The following TNFRSF13B variants were observed in gnomAD, a reference collection of about 807,000 sequenced individuals.
The protein encoded by TNFRSF13B is TNF receptor superfamily member 13B.
TNFRSF13B carries 34 observed loss-of-function variants against 24.0 expected under a neutral mutation model. The observed-to-expected ratio is 1.41, with a 90% CI of 1.08 to 1.88. The LOEUF (loss-of-function observed/expected upper bound fraction) is 1.88, where lower values mean the gene tolerates loss of function less well. Among genes scored for constraint, TNFRSF13B ranks in the 40% most tolerant of loss-of-function variants. The probability of loss-of-function intolerance (pLI) is 0.00; values close to 1 mark genes in which losing one functional copy is unlikely to be tolerated. For missense variants in TNFRSF13B, 415 were observed against 380.8 expected (o/e 1.09, Z -0.75); for synonymous variants, 173 against 150.3 (o/e 1.15, Z -1.10).
intron 3 of TNFRSF13B, among the ~76,000 whole-genome samples, chr17:16,942,153 T>C (rs4792801): frequency 0.47 from 71,253 of 151,778 alleles, 17,113 homozygotes; most frequent in East Asian, 0.59. Context: ...AGCTCTGTTT[T>C]GTTTTTTGAG....
rs760278879 is a variant in TNFRSF13B, at chr17:16,948,771, C to G, written c.412G>C (p.Gly138Arg). Residue 138 changes from glycine (G) to arginine (R), a missense_variant, in exon 3 of 5, where the codon GGA becomes CGA. Physicochemically the swap from Gly to Arg is moderately radical, Grantham distance 125 (BLOSUM62 -2). Coordinates refer to ENST00000261652, the MANE Select transcript of TNFRSF13B (RefSeq NM_012452.3). The stretch of plus-strand genomic sequence containing the variant: ...GCTTCTGAGCCTCTGTGCTCCAATC[C>G]TTGGTACCTTCCCGAGTTGTCTGAA... Reference protein sequence around the residue: ...NNSDNSGRYQGLEHRGSEASP... With the variant: ...NNSDNSGRYQRLEHRGSEASP... 1.2e-6 allele frequency: 2 copies of G among 1,614,222 alleles called. No individual in the cohort carries two copies. Among genetic ancestry groups the G allele is most frequent in the East Asian group, 4.5e-5 (2 of 44,888 alleles).
intron 3 of TNFRSF13B, chr17:16,941,395 G>A: frequency 1.0e-6 from 1 of 987,634 alleles, no homozygotes; most frequent in Non-Finnish European, 1.2e-6. Context: ...GACAGACTCA[G>A]CCCAGGTGAA....
At chr17:16,961,346 G>A (rs186807226) in intron 1 of TNFRSF13B, among the ~76,000 whole-genome samples, 8 of 152,306 alleles carry the variant, frequency 5.3e-5, no homozygotes, top group African/African-American at 1.7e-4. Flanking sequence ...CAGCCCAATC[G>A]TTTATCAGCA....
At chr17:16,966,443 A>G (rs1486179821) in intron 1 of TNFRSF13B, among the ~76,000 whole-genome samples, 1 of 152,220 alleles carries the variant, frequency 6.6e-6, no homozygotes, top group Non-Finnish European at 1.5e-5. Context: ...AAGGTCATGA[A>G]TAGACAGTTC....
Position 16,961,873 on chromosome 17 carries a change from T to C in TNFRSF13B, c.62-9290A>G, listed in dbSNP as rs116507444. ...GGTAGAATAAAGACGTTCTCAGACATGCAAGATCTTGGAAGCTACTGGAGG... is the reference window on the plus strand; with the variant it reads ...GGTAGAATAAAGACGTTCTCAGACACGCAAGATCTTGGAAGCTACTGGAGG... On this transcript the variant is annotated intron_variant, in intron 1 of 4. Transcript: ENST00000261652. 7.0e-3 allele frequency among the ~76,000 whole-genome samples: 1,070 copies of C among 152,270 alleles called. 14 individuals are homozygous for C. Among genetic ancestry groups the C allele is most frequent in the African/African-American group, 0.024 (999 of 41,546 alleles).
At position 16,964,786 on chromosome 17, in the gene TNFRSF13B, G is replaced by T. The variant is rs141742910; in HGVS notation, c.61+7229C>A. ...CCTCCTGCCAGCTCATGTTGAAAAC[G>T]GATTCGCCATGGTTCAGTGACCCAG... On this transcript the variant is annotated intron_variant, in intron 1 of 4. Transcript: ENST00000261652. Among the ~76,000 whole-genome samples, 5 of 152,136 alleles carry T rather than the reference G, an allele frequency of 3.3e-5. 1 individual carries two copies.
chr17:16,939,385 C>G lies in TNFRSF13B; in HGVS notation c.*162G>C. ...TCTGCCTCTCTTCCCCTCTGTCTCT[C>G]TCTCCCTCTGTCTCTCTCTCCCTCT... On this transcript the variant is annotated 3_prime_UTR_variant, in exon 5 of 5. Coordinates refer to ENST00000261652, the MANE Select transcript of TNFRSF13B (RefSeq NM_012452.3). The G allele has an allele frequency of 1.2e-6, 1 of 831,092 alleles. No individual in the cohort carries two copies. The highest frequency in any genetic ancestry group is 1.8e-6 in the Non-Finnish European group (1 of 565,108). 51.5% of individuals were successfully genotyped at this position (831,092 alleles called of 1,614,324 possible). A position where few individuals can be genotyped will look rare whatever the true frequency, so the allele number is the denominator to read the frequency against.
chr17:16,966,389 G>A (rs2087699663), intron 1 of TNFRSF13B, among the ~76,000 whole-genome samples: 1 of 152,012 alleles, frequency 6.6e-6, no homozygotes, highest in South Asian at 2.1e-4. Flanking sequence ...CAGATCTAAA[G>A]AATAAGCAGA....
intron 3 of TNFRSF13B, among the ~76,000 whole-genome samples, chr17:16,941,686 G>A (rs900253179): frequency 6.6e-6 from 1 of 152,120 alleles, no homozygotes; most frequent in Non-Finnish European, 1.5e-5. Context: ...ACATCACAAG[G>A]TTGTGCAGCA....
chr17:16,939,376 TCTGTCTCTCTCTCC>T lies in TNFRSF13B; in HGVS notation c.*157_*170del, dbSNP rs1255724255. The T allele has an allele frequency of 2.0e-5, 15 of 766,104 alleles. No individual in the cohort carries two copies. In the Admixed American group the frequency reaches 3.6e-4, roughly 19 times the overall value. The allele number at this position is 766,104 out of a possible 1,614,324, so 47.5% of individuals were successfully genotyped here. Reference sequence around the variant, plus strand: ...CTTTCCCTCTCTGCCTCTCTTCCCCTCTGTCTCTCTCTCCCTCTGTCTCTCTCTCCCTCTCTGTC... The same window carrying T: ...CTTTCCCTCTCTGCCTCTCTTCCCCTCTCTGTCTCTCTCTCCCTCTCTGTC... On this transcript the variant is annotated 3_prime_UTR_variant, in exon 5 of 5. Transcript: ENST00000261652.
At position 16,954,696 on chromosome 17, in the gene TNFRSF13B, C is replaced by T. The variant is rs570928591; in HGVS notation, c.62-2113G>A. Among the ~76,000 whole-genome samples, 18 of 152,310 alleles carry T rather than the reference C, an allele frequency of 1.2e-4. No homozygotes were observed. In the South Asian group the frequency reaches 1.2e-3, roughly 11 times the overall value. On this transcript the variant is annotated intron_variant, in intron 1 of 4. Coordinates refer to ENST00000261652, the MANE Select transcript of TNFRSF13B (RefSeq NM_012452.3). Reference sequence around the variant, plus strand: ...ATTTGGAGGCACCACGTATCTCTGACGGCAGGGCTGGGCAGAAGGGGTGAA... The same window carrying T: ...ATTTGGAGGCACCACGTATCTCTGATGGCAGGGCTGGGCAGAAGGGGTGAA...
chr17:16,945,112 G>A (rs182829181), intron 3 of TNFRSF13B, among the ~76,000 whole-genome samples: 12 of 152,320 alleles, frequency 7.9e-5, no homozygotes, highest in African/African-American at 1.9e-4. Context: ...AGTGCACAGC[G>A]ACAGTCACAG....
intron 1 of TNFRSF13B, among the ~76,000 whole-genome samples, chr17:16,957,422 G>A (rs2087632639): frequency 6.6e-6 from 1 of 151,994 alleles, no homozygotes; most frequent in African/African-American, 2.4e-5. Context: ...GGACAAAATG[G>A]CAGAAAAAGT....
chr17:16,949,294 G>A (rs1012346413), intron 2 of TNFRSF13B, among the ~76,000 whole-genome samples: 2 of 152,024 alleles, frequency 1.3e-5, no homozygotes, highest in South Asian at 2.1e-4. Context: ...GTTTCCAAAC[G>A]TATGAAGATT....
Position 16,971,944 on chromosome 17 carries a change from C to A in TNFRSF13B, c.61+71G>T, listed in dbSNP as rs981551746. On this transcript the variant is annotated intron_variant, in intron 1 of 4. Coordinates refer to ENST00000261652, the MANE Select transcript of TNFRSF13B (RefSeq NM_012452.3). ...TTTGCACCTGCTGGACCTTGCAACC[C>A]CCACGGCACTCAGGCCCAACCCTCC... 4 of 1,536,268 alleles carry A rather than the reference C, an allele frequency of 2.6e-6. No individual in the cohort carries two copies. In the African/African-American group the frequency reaches 5.5e-5, roughly 21 times the overall value.
intron 3 of TNFRSF13B, among the ~76,000 whole-genome samples, chr17:16,946,489 G>A (rs1199210520): frequency 1.3e-5 from 2 of 152,130 alleles, no homozygotes; most frequent in Non-Finnish European, 2.9e-5. Context: ...AGCTCAACAG[G>A]ACCCTTCTTG....
chr17:16,969,562 T>C lies in TNFRSF13B; in HGVS notation c.61+2453A>G, dbSNP rs187597677. Among the ~76,000 whole-genome samples, 38 of 152,360 alleles carry C rather than the reference T, an allele frequency of 2.5e-4. No individual in the cohort carries two copies. The East Asian group carries it at 6.2e-3, about 25-fold the overall frequency. ...GGGAGGAATGAAGACTGACAAAGTTTCTTTTTGGGGTCATCAAAATCTTCC... is the reference window on the plus strand; with the variant it reads ...GGGAGGAATGAAGACTGACAAAGTTCCTTTTTGGGGTCATCAAAATCTTCC... On this transcript the variant is annotated intron_variant, in intron 1 of 4. Coordinates refer to ENST00000261652, the MANE Select transcript of TNFRSF13B (RefSeq NM_012452.3).
intron 3 of TNFRSF13B, 143 bp from the exon 4 acceptor site, chr17:16,940,654 T>G: frequency 4.0e-6 from 6 of 1,504,214 alleles, no homozygotes; most frequent in Non-Finnish European, 5.3e-6. Flanking sequence ...ACCCTGAGGC[T>G]GCTGGGATGC....
chr17:16,951,300 C>G (rs1221960566), intron 2 of TNFRSF13B, among the ~76,000 whole-genome samples: 5 of 152,298 alleles, frequency 3.3e-5, no homozygotes, highest in Non-Finnish European at 7.4e-5. Flanking sequence ...GACATGGTTC[C>G]CCTGCCAGGG....
Sources: allele counts gnomAD v4.1 joint callset (sites outside exome capture counted in the v4.1 genomes callset), GRCh38; gene constraint gnomAD v4.1.1; transcripts MANE v1.5; gene names NCBI Gene and HGNC (gene_info 2026-07-23, HGNC 2026-07-21).